DNM3: variants seen among roughly 807,000 people sequenced by gnomAD.
DNM3 encodes dynamin 3, also known as dynamin-3.
A neutral mutation model predicts 101.6 loss-of-function variants in DNM3; 47 were observed. The observed-to-expected ratio is 0.46, with a 90% CI of 0.37 to 0.59. DNM3 has a LOEUF of 0.59. Among genes scored for constraint, DNM3 ranks in the 20% least tolerant of loss-of-function variants. The pLI, the probability that DNM3 is intolerant of heterozygous loss-of-function variation, is 0.00. For synonymous variants in DNM3, 385 were observed against 387.9 expected (o/e 0.99, Z 0.09); for missense variants, 849 against 1,085.7 (o/e 0.78, Z 3.06).
chr1:172,412,051 G>T lies in DNM3; in HGVS notation c.*4210G>T, dbSNP rs2071239402. ...TATATGCACTGCTATTTGTGTGTGTGTGTGTGTCTTTGTATATATGTAAGA... is the reference window on the plus strand; with the variant it reads ...TATATGCACTGCTATTTGTGTGTGTTTGTGTGTCTTTGTATATATGTAAGA... On this transcript the variant is annotated 3_prime_UTR_variant, in exon 21 of 21. Transcript: ENST00000627582. The T allele has an allele frequency of 1.0e-6, 1 of 985,626 alleles. No individual in the cohort carries two copies. The highest frequency in any genetic ancestry group is 1.2e-6 in the Non-Finnish European group (1 of 829,808). 61.1% of individuals were successfully genotyped at this position (985,626 alleles called of 1,614,324 possible). A position where few individuals can be genotyped will look rare whatever the true frequency, so the allele number is the denominator to read the frequency against.
intron 17 of DNM3, among the ~76,000 whole-genome samples, chr1:172,360,239 A>G (rs936020999): frequency 6.6e-6 from 1 of 151,968 alleles, no homozygotes; most frequent in Non-Finnish European, 1.5e-5. Context: ...ACCCCAAATC[A>G]ATTTGGAATT....
chr1:171,906,212 C>T (rs185238887), intron 1 of DNM3, among the ~76,000 whole-genome samples: 74 of 150,892 alleles, frequency 4.9e-4, no homozygotes, highest in African/African-American at 1.6e-3. Context: ...ATTGCGGCCT[C>T]GACTTCCTGG....
At chr1:172,038,565 C>G in intron 7 of DNM3, 104 bp downstream of exon 7, 1 of 1,356,092 alleles carries the variant, frequency 7.4e-7, no homozygotes, top group Non-Finnish European at 1.0e-6. Context: ...AGCAAGTAAA[C>G]TATATGAGGC....
At chr1:171,994,738 G>A (rs1406714013) in intron 4 of DNM3, among the ~76,000 whole-genome samples, 1 of 147,292 alleles carries the variant, frequency 6.8e-6, no homozygotes, top group Admixed American at 6.8e-5. Context: ...TGCCCCAATT[G>A]TTATTGCTCC....
chr1:172,349,053 G>C (rs2067080059), intron 17 of DNM3, among the ~76,000 whole-genome samples: 1 of 152,144 alleles, frequency 6.6e-6, no homozygotes. Flanking sequence ...ACCACCCCCA[G>C]TGTCAGGGGT....
chr1:172,374,539 A>G (rs534490584), intron 17 of DNM3, among the ~76,000 whole-genome samples: 11 of 152,040 alleles, frequency 7.2e-5, no homozygotes, highest in Admixed American at 6.6e-4. Flanking sequence ...AATGCTTTGT[A>G]TTATTTTGTT....
intron 2 of DNM3, among the ~76,000 whole-genome samples, chr1:171,977,603 A>G (rs1051370782): frequency 2.0e-5 from 3 of 152,230 alleles, no homozygotes; most frequent in Non-Finnish European, 4.4e-5. Flanking sequence ...ACGGTTTCCT[A>G]CATCCTTATA....
At chr1:171,861,788 G>A (rs1289231756) in intron 1 of DNM3, among the ~76,000 whole-genome samples, 6 of 152,020 alleles carry the variant, frequency 3.9e-5, no homozygotes, top group African/African-American at 1.5e-4. Context: ...ACACTATTAA[G>A]GGTATGAAAA....
In DNM3 at chr1:172,004,292, A is replaced by G. The variant is rs144835353; in HGVS notation, c.589+15144A>G. On this transcript the variant is annotated intron_variant, in intron 4 of 20. Transcript: ENST00000627582. Reference sequence around the variant, plus strand: ...GTTAAAGAGATGTATATTAGAGTTTATGATTTACAGCTGGAACAAGTCCAG... The same window carrying G: ...GTTAAAGAGATGTATATTAGAGTTTGTGATTTACAGCTGGAACAAGTCCAG... Among the ~76,000 whole-genome samples, 459 of 152,156 alleles carry G rather than the reference A, an allele frequency of 3.0e-3. 3 individuals are homozygous for G. The highest frequency in any genetic ancestry group is 1.0e-2 in the African/African-American group (415 of 41,548).
At chr1:172,088,660 T>TACCA (rs1375636479) in intron 12 of DNM3, among the ~76,000 whole-genome samples, 3 of 152,234 alleles carry the variant, frequency 2.0e-5, no homozygotes, top group Non-Finnish European at 4.4e-5. Context: ...GCTTTGCTAA[T>TACCA]ACCAGTCTAT....
chr1:172,091,078 G>C (rs1400558345), intron 12 of DNM3, among the ~76,000 whole-genome samples: 1 of 152,164 alleles, frequency 6.6e-6, no homozygotes, highest in Non-Finnish European at 1.5e-5. Flanking sequence ...TGAAACGTGT[G>C]GGCTCTGTTG....
chr1:172,104,348 T>TTTTG lies in DNM3; in HGVS notation c.1545+11486_1545+11489dup, dbSNP rs1196098386. 4.6e-5 allele frequency among the ~76,000 whole-genome samples: 7 copies of TTTTG among 152,150 alleles called. No individual in the cohort carries two copies. In the East Asian group the frequency reaches 9.6e-4, roughly 21 times the overall value. ...GATTTTTATACTTAGCTATTTAAAT[T>TTTTG]TTTGTTTGTTTGTTTGATAATCATA... On this transcript the variant is annotated intron_variant, in intron 13 of 20. Transcript: ENST00000627582.
chr1:172,292,843 C>T (rs2063986595), intron 15 of DNM3, among the ~76,000 whole-genome samples: 1 of 151,914 alleles, frequency 6.6e-6, no homozygotes, highest in Non-Finnish European at 1.5e-5. Context: ...CATTTAAGAC[C>T]CTCCCAAAAA....
intron 4 of DNM3, among the ~76,000 whole-genome samples, chr1:172,032,117 G>A (rs906151850): frequency 5.3e-5 from 8 of 152,100 alleles, no homozygotes; most frequent in African/African-American, 1.7e-4. Context: ...CCATATATGC[G>A]TGGTACAAAA....
intron 11 of DNM3, among the ~76,000 whole-genome samples, chr1:172,077,444 G>A (rs578065221): frequency 6.6e-6 from 1 of 152,234 alleles, no homozygotes; most frequent in East Asian, 1.9e-4. Flanking sequence ...TCTCCTGTGG[G>A]CATTTAGTGC....
At chr1:172,311,394 G>T (rs1314595771) in intron 16 of DNM3, 1 of 151,644 alleles carries the variant, frequency 6.6e-6, no homozygotes, top group Admixed American at 6.6e-5. Context: ...GTTAAGTCAT[G>T]ATTTTGTAAA....
chr1:172,363,946 A>G (rs769371899), intron 17 of DNM3, among the ~76,000 whole-genome samples: 17 of 151,864 alleles, frequency 1.1e-4, no homozygotes, highest in African/African-American at 2.9e-4. Context: ...CTTTCTTTCC[A>G]TAGCCTTGCC....
At chr1:172,238,638 CA>C (rs1233630887) in intron 14 of DNM3, among the ~76,000 whole-genome samples, 1 of 152,058 alleles carries the variant, frequency 6.6e-6, no homozygotes, top group African/African-American at 2.4e-5. Context: ...GGTAAGCATG[CA>C]GTCCCATTCA....
At chr1:172,392,327 A>G (rs1212469543) in intron 20 of DNM3, among the ~76,000 whole-genome samples, 2 of 152,142 alleles carry the variant, frequency 1.3e-5, no homozygotes, top group African/African-American at 4.8e-5. Flanking sequence ...TTTGTGGAAC[A>G]TTTTCTATTG....
Sources: gnomAD v4.1 joint callset for allele counts (sites outside exome capture counted in the v4.1 genomes callset) on GRCh38, gnomAD v4.1.1 for gene constraint, MANE v1.5 for transcripts, NCBI Gene and HGNC (gene_info 2026-07-23, HGNC 2026-07-21) for gene names.